ADK: variants seen among roughly 807,000 people sequenced by gnomAD.
ADK encodes the protein adenosine kinase, also known as N6,N6-dimethyladenosine kinase.
In ADK, 24 loss-of-function variants were observed where a neutral mutation model predicts 44.7. The observed-to-expected ratio is 0.54, with a 90% confidence interval of 0.39 to 0.76. The LOEUF (loss-of-function observed/expected upper bound fraction) is 0.76, where lower values mean the gene tolerates loss of function less well. ADK is among the 30% of genes least tolerant of loss of function. The pLI is 0.00. For synonymous variants in ADK, 128 were observed against 142.6 expected, an observed-to-expected ratio of 0.90 and a Z score of 0.73; for missense variants, 321 against 425.1, an observed-to-expected ratio of 0.76 and a Z score of 2.15.
chr10:74,468,656 A>C (rs898365603), intron 6 of ADK, among the ~76,000 whole-genome samples: 6 of 152,172 alleles, frequency 3.9e-5, no homozygotes, highest in Admixed American at 1.3e-4. Flanking sequence ...TCCTCTTCTG[A>C]AATGGAAAGA....
chr10:74,357,460 A>ATT (rs536915870), intron 4 of ADK, among the ~76,000 whole-genome samples: 67 of 134,598 alleles, frequency 5.0e-4, no homozygotes, highest in African/African-American at 1.7e-3. Flanking sequence ...ATACCCAGTG[A>ATT]TTTTTTTTTT....
chr10:74,176,336 C>G lies in ADK; in HGVS notation c.66-24428C>G, dbSNP rs1328591477. On this transcript the variant is annotated intron_variant, in intron 1 of 10. Transcript: ENST00000539909. ...GGCTTCCCAGGCTGTTGCTTTTTTTCCCCCCACCTTTGCAGATGGATTTTG... is the reference window on the plus strand; with the variant it reads ...GGCTTCCCAGGCTGTTGCTTTTTTTGCCCCCACCTTTGCAGATGGATTTTG... Among the ~76,000 whole-genome samples the G allele has an allele frequency of 2.0e-5, 3 of 152,002 alleles. No individual in the cohort carries two copies. In the East Asian group the frequency reaches 5.8e-4, roughly 29 times the overall value.
intron 6 of ADK, among the ~76,000 whole-genome samples, chr10:74,509,962 A>G (rs1282030291): frequency 1.3e-5 from 2 of 152,020 alleles, no homozygotes; most frequent in Non-Finnish European, 2.9e-5. Flanking sequence ...TACATTACAC[A>G]TTTTCTTTAT....
At chr10:74,509,275 CT>C (rs2133503393) in intron 6 of ADK, 1 of 152,280 alleles carries the variant, frequency 6.6e-6, no homozygotes, top group Admixed American at 6.5e-5. Flanking sequence ...TCACTGCAAC[CT>C]CCACCCCCTG....
chr10:74,197,712 A>G (rs887898183), intron 1 of ADK, among the ~76,000 whole-genome samples: 1 of 16,696 alleles, frequency 6.0e-5, no homozygotes, highest in African/African-American at 1.5e-4. Context: ...AAAAAAAAAG[A>G]AAAAAAAAAA....
chr10:74,471,668 CTTCTT>C (rs1159216559), intron 6 of ADK, among the ~76,000 whole-genome samples: 1 of 151,998 alleles, frequency 6.6e-6, no homozygotes, highest in Admixed American at 6.5e-5. Context: ...TTATTGGTGT[CTTCTT>C]TAATTTCTTT....
chr10:74,350,003 G>T, intron 4 of ADK, among the ~76,000 whole-genome samples: 1 of 152,104 alleles, frequency 6.6e-6, no homozygotes, highest in African/African-American at 2.4e-5. Context: ...AGATCAATGA[G>T]ACAGAAAATT....
At chr10:74,195,615 C>T (rs147869699) in intron 1 of ADK, among the ~76,000 whole-genome samples, 30 of 151,876 alleles carry the variant, frequency 2.0e-4, no homozygotes, top group Non-Finnish European at 3.5e-4. Flanking sequence ...TCCCTGGTAG[C>T]TGGGATTATG....
At chr10:74,155,646 C>G (rs932372641) in intron 1 of ADK, among the ~76,000 whole-genome samples, 1 of 152,160 alleles carries the variant, frequency 6.6e-6, no homozygotes, top group African/African-American at 2.4e-5. Context: ...TCTCCTGCCT[C>G]AGCCTCTGAG....
chr10:74,663,821 G>A (rs1268549793), intron 9 of ADK, among the ~76,000 whole-genome samples: 2 of 152,080 alleles, frequency 1.3e-5, no homozygotes, highest in African/African-American at 4.8e-5. Flanking sequence ...TCTATTATTA[G>A]CAGAGTTCAT....
intron 7 of ADK, among the ~76,000 whole-genome samples, chr10:74,526,140 G>T (rs1403339290): frequency 6.6e-6 from 1 of 151,668 alleles, no homozygotes; most frequent in African/African-American, 2.4e-5. Flanking sequence ...TTTGATATTT[G>T]TTTAATAAAT....
At chr10:74,690,380 G>A (rs1000883087) in intron 10 of ADK, among the ~76,000 whole-genome samples, 3 of 152,152 alleles carry the variant, frequency 2.0e-5, no homozygotes, top group Admixed American at 6.5e-5. Flanking sequence ...CCTGTGGTCC[G>A]AGCTACTCAG....
Position 74,246,475 on chromosome 10 carries a change from CATTTCAAAGTGA to C in ADK, c.194+21888_194+21899del, listed in dbSNP as rs369876821. ...AAAGGGCTGAAGAAAGCAGATTGGT[CATTTCAAAGTGA>C]ATTCTCTTGTAAGGTCTGGATGGGG... On this transcript the variant is annotated intron_variant, in intron 3 of 10. Coordinates refer to ENST00000539909, the MANE Select transcript of ADK (RefSeq NM_006721.4). Among the ~76,000 whole-genome samples, 691 of 152,244 alleles carry C rather than the reference CATTTCAAAGTGA, an allele frequency of 4.5e-3. 5 individuals carry two copies. The highest frequency in any genetic ancestry group is 0.015 in the African/African-American group (618 of 41,524).
At chr10:74,381,998 CTG>C (rs2132007855) in intron 4 of ADK, among the ~76,000 whole-genome samples, 1 of 152,244 alleles carries the variant, frequency 6.6e-6, no homozygotes, top group African/African-American at 2.4e-5. Context: ...GCATGCTTCT[CTG>C]TGGATTTTGT....
At chr10:74,223,223 A>G (rs1365603526) in intron 2 of ADK, among the ~76,000 whole-genome samples, 1 of 152,038 alleles carries the variant, frequency 6.6e-6, no homozygotes, top group African/African-American at 2.4e-5. Context: ...TCACATGGCA[A>G]GGGGCCTGAA....
chr10:74,621,094 T>C (rs187158816), intron 9 of ADK, among the ~76,000 whole-genome samples: 40 of 152,348 alleles, frequency 2.6e-4, no homozygotes, highest in African/African-American at 9.1e-4. Context: ...TGTTTATTTT[T>C]GCTTTTGTTG....
intron 7 of ADK, among the ~76,000 whole-genome samples, chr10:74,573,376 A>T (rs558459967): frequency 1.2e-3 from 177 of 152,176 alleles, no homozygotes; most frequent in Admixed American, 2.8e-3. Flanking sequence ...TTTGTCTCAG[A>T]GGAGTGCCCG....
chr10:74,601,437 G>A (rs956118283), intron 9 of ADK, among the ~76,000 whole-genome samples: 2 of 151,922 alleles, frequency 1.3e-5, no homozygotes, highest in African/African-American at 4.8e-5. Context: ...TGATGTTATA[G>A]GATACATAGA....
chr10:74,625,433 C>T (rs1367807784), intron 9 of ADK, among the ~76,000 whole-genome samples: 1 of 152,020 alleles, frequency 6.6e-6, no homozygotes, highest in East Asian at 1.9e-4. Flanking sequence ...CTGGGCAATA[C>T]ATTATTAAGT....
Sources: allele counts gnomAD v4.1 joint callset (sites outside exome capture counted in the v4.1 genomes callset), GRCh38; gene constraint gnomAD v4.1.1; transcripts MANE v1.5; gene names NCBI Gene and HGNC (gene_info 2026-07-23, HGNC 2026-07-21).